Variants in CBLC observed in about 807,000 individuals in gnomAD.
The protein encoded by CBLC is Cbl proto-oncogene C, also known as E3 ubiquitin-protein ligase CBL-C.
A neutral mutation model predicts 58.6 loss-of-function variants in CBLC; 46 were observed. That is an observed-to-expected ratio of 0.79 (90% CI 0.62 to 1.00). The LOEUF is 1.00. Ranked by LOEUF, CBLC falls within the 50% of genes least tolerant of loss-of-function variation. The pLI is 0.00. For synonymous variants in CBLC, 271 were observed against 264.2 expected (o/e 1.03, Z -0.25); for missense variants, 655 against 625.8 (o/e 1.05, Z -0.50).
chr19:44,793,400 G>C, intron 7 of CBLC, 74 bp from the exon 8 acceptor site: 3 of 1,453,066 alleles, frequency 2.1e-6, no homozygotes, highest in Non-Finnish European at 2.7e-6. Flanking sequence ...TTTGGGCGGG[G>C]AGCTCCTCGT....
chr19:44,782,806 TTGAG>T (rs1191065298), intron 4 of CBLC, among the ~76,000 whole-genome samples: 1 of 152,160 alleles, frequency 6.6e-6, no homozygotes, highest in East Asian at 1.9e-4. Flanking sequence ...GTTCAGTATT[TTGAG>T]TATGAATTTC....
At chr19:44,790,219 C>A in intron 6 of CBLC, 128 bp downstream of exon 6, 1 of 685,916 alleles carries the variant, frequency 1.5e-6, no homozygotes, top group Admixed American at 2.3e-5. Context: ...ATCACTTGAC[C>A]TCTCTGAGGC....
rs555779324 is a variant in CBLC, at chr19:44,792,601, C to G, written c.1137+87C>G. 6 of 1,348,836 alleles carry G rather than the reference C, an allele frequency of 4.4e-6. No individual in the cohort carries two copies. In the African/African-American group the frequency reaches 9.0e-5, roughly 20 times the overall value. The allele number at this position is 1,348,836 out of a possible 1,614,324, so 83.6% of individuals were successfully genotyped here. On this transcript the variant is annotated intron_variant, in intron 7 of 10. Coordinates refer to ENST00000647358, the MANE Select transcript of CBLC (RefSeq NM_012116.4). ...AAAAGGATCTCCATGCCTCATTGAT[C>G]ATATGGGGAAACCGAAGGCCAGAGA...
At chr19:44,797,863 C>T (rs1337474352) in intron 9 of CBLC, among the ~76,000 whole-genome samples, 4 of 152,208 alleles carry the variant, frequency 2.6e-5, no homozygotes, top group African/African-American at 7.2e-5. Context: ...TCCTTAGCCC[C>T]CAGAGTAGCT....
chr19:44,779,017 GGTCACC>G (rs1967654325), intron 1 of CBLC, among the ~76,000 whole-genome samples: 1 of 152,146 alleles, frequency 6.6e-6, no homozygotes, highest in Non-Finnish European at 1.5e-5. Flanking sequence ...CCATTTCCTT[GGTCACC>G]CAGCAGCCCA....
In CBLC at chr19:44,794,246, C is replaced by A; in HGVS notation, c.1327C>A (p.Pro443Thr). The A allele has an allele frequency of 1.9e-6, 3 of 1,612,784 alleles. No homozygotes were observed. The highest frequency in any genetic ancestry group is 2.5e-6 in the Non-Finnish European group (3 of 1,179,364). The change falls in exon 9 of 11, where the codon CCC (proline) becomes ACC (threonine). Residue 443 changes from proline (P) to threonine (T), a missense_variant. Transcript: ENST00000647358. ...APPLPPRPDL[P>T]PRKPRNAQPK... Reference sequence around the variant, plus strand: ...TCCATTGCCCCCACGGCCAGATCTGCCCCCCAGGAAGCCCAGAAATGCCCA... The same window carrying A: ...TCCATTGCCCCCACGGCCAGATCTGACCCCCAGGAAGCCCAGAAATGCCCA...
chr19:44,785,943 A>G (rs138211522), intron 5 of CBLC, among the ~76,000 whole-genome samples: 93 of 152,150 alleles, frequency 6.1e-4, no homozygotes, highest in Non-Finnish European at 1.1e-3. Context: ...TGAAAAAAAC[A>G]AAACAAAAAA....
At chr19:44,792,248 C>A in intron 6 of CBLC, 135 bp from the exon 7 acceptor site, 1 of 866,562 alleles carries the variant, frequency 1.2e-6, no homozygotes, top group Admixed American at 2.2e-5. Flanking sequence ...CCTGCCTCAG[C>A]CTCCAAAGTG....
chr19:44,785,770 T>C (rs1202077615), intron 5 of CBLC, among the ~76,000 whole-genome samples: 1 of 151,842 alleles, frequency 6.6e-6, no homozygotes, highest in Non-Finnish European at 1.5e-5. Flanking sequence ...ACCCCATCTC[T>C]ACTAAAAATT....
Position 44,782,469 on chromosome 19 carries a change from G to A in CBLC, c.757G>A (p.Ala253Thr). 6.2e-7 allele frequency: 1 copy of A among 1,613,798 alleles called. No homozygotes were observed. Among genetic ancestry groups the A allele is most frequent in the African/African-American group, 1.3e-5 (1 of 75,010 alleles). ...TYDEVQERLQ[A>T]CRDKPGSYIF... Reference sequence around the variant, plus strand: ...TGATGAGGTCCAAGAGCGTCTGCAGGCCTGCAGGGACAAGCCAGGCAGGTA... The same window carrying A: ...TGATGAGGTCCAAGAGCGTCTGCAGACCTGCAGGGACAAGCCAGGCAGGTA... Residue 253 changes from alanine (A) to threonine (T), a missense_variant, in exon 4 of 11, where the codon GCC becomes ACC. Physicochemically the swap from Ala to Thr is moderately conservative, Grantham distance 58. Coordinates refer to ENST00000647358, the MANE Select transcript of CBLC (RefSeq NM_012116.4).
Position 44,794,294 on chromosome 19 carries a change from C to T in CBLC, c.1362+13C>T, listed in dbSNP as rs1400676136. ...CCAGCCGAAAGTGGTGAGTCAGGCG[C>T]TGGTCTGAGGTTGGGGGCTGGGGTC... On this transcript the variant is annotated intron_variant, in intron 9 of 10. Coordinates refer to ENST00000647358, the MANE Select transcript of CBLC (RefSeq NM_012116.4). 6.2e-7 allele frequency: 1 copy of T among 1,612,038 alleles called. No individual in the cohort carries two copies. The highest frequency in any genetic ancestry group is 1.1e-5 in the South Asian group (1 of 90,872).
chr19:44,794,904 C>G (rs1968148578), intron 9 of CBLC, among the ~76,000 whole-genome samples: 1 of 151,736 alleles, frequency 6.6e-6, no homozygotes, highest in Non-Finnish European at 1.5e-5. Context: ...CCTGACCACT[C>G]TGTTCAAGAT....
intron 7 of CBLC, among the ~76,000 whole-genome samples, chr19:44,792,923 G>A (rs1903832): frequency 0.016 from 2,432 of 152,126 alleles, 50 homozygotes; most frequent in East Asian, 0.076. Flanking sequence ...GGGGTGGGTG[G>A]ATCACTTGAG....
chr19:44,784,065 A>G (rs962541510), intron 4 of CBLC, among the ~76,000 whole-genome samples, 199 bp from the exon 5 acceptor site: 1 of 152,192 alleles, frequency 6.6e-6, no homozygotes, highest in Non-Finnish European at 1.5e-5. Flanking sequence ...TTTTATCATA[A>G]AAGAGCCAAG....
chr19:44,784,305 C>T lies in CBLC; in HGVS notation c.821C>T (p.Ala274Val). 1 of 1,595,942 alleles carries T rather than the reference C, an allele frequency of 6.3e-7. No individual in the cohort carries two copies. The highest frequency in any genetic ancestry group is 8.6e-7 in the Non-Finnish European group (1 of 1,165,568). ...RPSCTRLGQW[A>V]IGYVSSDGSI... ...AGCTGTACTCGCCTGGGGCAGTGGGCCATCGGCTATGTGAGCTCAGATGGC... is the reference window on the plus strand; with the variant it reads ...AGCTGTACTCGCCTGGGGCAGTGGGTCATCGGCTATGTGAGCTCAGATGGC... The change falls in exon 5 of 11, where the codon GCC becomes GTC. Residue 274 changes from alanine (A) to valine (V), a missense_variant. Physicochemically the swap from Ala to Val is moderately conservative, Grantham distance 64 (BLOSUM62 0). This residue lies in a region of CBLC where 371 missense variants were observed against 370.8 expected (regional missense o/e 1.00). Coordinates refer to ENST00000647358, the MANE Select transcript of CBLC (RefSeq NM_012116.4).
chr19:44,780,365 A>G (rs1599856547), intron 1 of CBLC, among the ~76,000 whole-genome samples: 3 of 151,146 alleles, frequency 2.0e-5, no homozygotes, highest in Admixed American at 2.0e-4. Context: ...CAAACTCCTG[A>G]CCTCAAGTGA....
In CBLC at chr19:44,780,990, C is replaced by T. The variant is rs749602901; in HGVS notation, c.439C>T (p.His147Tyr). Residue 147 changes from histidine to tyrosine, a missense_variant, in exon 2 of 11, where the codon CAC becomes TAC. His to Tyr is a moderately conservative substitution (Grantham distance 83). Coordinates refer to ENST00000647358, the MANE Select transcript of CBLC (RefSeq NM_012116.4). ...CTTCCCCGGGGGAAAGTACTGTGGA[C>T]ACATGTACCAGCTCACCAAGGCCCC... is the stretch of plus-strand genomic sequence containing the variant. Reference protein sequence around the residue: ...ALFPGGKYCGHMYQLTKAPAH... With the variant: ...ALFPGGKYCGYMYQLTKAPAH... The T allele has an allele frequency of 3.1e-6, 5 of 1,613,598 alleles. No homozygotes were observed. The highest frequency in any genetic ancestry group is 1.1e-5 in the South Asian group (1 of 91,084).
In CBLC at chr19:44,784,338, T is replaced by C; in HGVS notation, c.854T>C (p.Leu285Pro). ...TATGTGAGCTCAGATGGCAGCATCCTGCAGACCATCCCTGCCAACAAACCC... is the reference window on the plus strand; with the variant it reads ...TATGTGAGCTCAGATGGCAGCATCCCGCAGACCATCCCTGCCAACAAACCC... ...IGYVSSDGSILQTIPANKPLS... is the reference protein window; with the variant it reads ...IGYVSSDGSIPQTIPANKPLS... Residue 285 changes from leucine (L) to proline (P), a missense_variant, in exon 5 of 11, where the codon CTG becomes CCG. Physicochemically the swap from Leu to Pro is moderately conservative, Grantham distance 98. Transcript: ENST00000647358. The C allele has an allele frequency of 1.2e-6, 2 of 1,602,932 alleles. No individual in the cohort carries two copies. Among genetic ancestry groups the C allele is most frequent in the African/African-American group, 1.3e-5 (1 of 74,920 alleles).
chr19:44,790,223 C>A, intron 6 of CBLC, 132 bp downstream of exon 6: 2 of 684,008 alleles, frequency 2.9e-6, no homozygotes, highest in Non-Finnish European at 5.3e-6. Context: ...CTTGACCTCT[C>A]TGAGGCTCAG....
Sources: gnomAD v4.1 joint callset for allele counts (sites outside exome capture counted in the v4.1 genomes callset) on GRCh38, gnomAD v4.1.1 for gene constraint, gnomAD v4.1.1 regional missense constraint, MANE v1.5 for transcripts, NCBI Gene and HGNC (gene_info 2026-07-23, HGNC 2026-07-21) for gene names.